The following DUSP4 variants were observed in gnomAD, a reference collection of about 807,000 sequenced individuals.
DUSP4 encodes dual specificity phosphatase 4.
In DUSP4, 12 loss-of-function variants were observed where a neutral mutation model predicts 27.2. The ratio of observed to expected loss-of-function variants is 0.44; its 90% CI spans 0.28 to 0.71. The LOEUF is 0.71. Among genes scored for constraint, DUSP4 ranks in the 30% least tolerant of loss-of-function variants. The probability of loss-of-function intolerance (pLI) is 0.14; values close to 1 mark genes in which losing one functional copy is unlikely to be tolerated. For missense variants in DUSP4, 448 were observed against 551.3 expected (o/e 0.81, Z 1.88); for synonymous variants, 257 against 245.2 (o/e 1.05, Z -0.45).
intron 1 of DUSP4, chr8:29,348,463 AG>A: frequency 1.0e-6 from 1 of 985,534 alleles, no homozygotes; most frequent in Non-Finnish European, 1.2e-6. Context: ...AGCAAAAGAC[AG>A]CCCTCGCGGA....
rs1291960888 is a variant in DUSP4, at chr8:29,336,083, TTTTTC to T, written c.*938_*942del. The T allele has an allele frequency of 2.6e-5, 4 of 151,842 alleles. No individual in the cohort carries two copies. Among genetic ancestry groups the T allele is most frequent in the Non-Finnish European group, 5.9e-5 (4 of 67,952 alleles). The allele number at this position is 151,842 out of a possible 1,614,324, so 9.4% of individuals were successfully genotyped here. On this transcript the variant is annotated 3_prime_UTR_variant, in exon 4 of 4. Transcript: ENST00000240100. ...GCAACATAGTGAGATGCTGTCTTTT[TTTTTC>T]TTTTCTTTTTTTTTAAAAAAGCAAT...
chr8:29,345,472 TG>T, intron 1 of DUSP4: 1 of 1,612,986 alleles, frequency 6.2e-7, no homozygotes, highest in Non-Finnish European at 8.5e-7. Flanking sequence ...CCAGTCCTCC[TG>T]GGCGATCTGC....
chr8:29,338,138 TA>T (rs1817604812), intron 3 of DUSP4, 143 bp downstream of exon 3: 1 of 826,006 alleles, frequency 1.2e-6, no homozygotes, highest in Non-Finnish European at 1.9e-6. Flanking sequence ...ATCCAATGTA[TA>T]AGCCTTCCCA....
At position 29,337,083 on chromosome 8, in the gene DUSP4, C is replaced by T. The variant is rs774502089; in HGVS notation, c.1128G>A (p.Ser376=). 137 of 1,607,968 alleles carry T rather than the reference C, an allele frequency of 8.5e-5. No homozygotes were observed. Among genetic ancestry groups the T allele is most frequent in the Non-Finnish European group, 1.1e-4 (128 of 1,177,470 alleles). ...GCAGGTAGGGCAGGCTGCTGGGGGC[C>T]GAGTGCACGCCCACGGAGACCGGAA... ...FSFPVSVGVH[S]APSSLPYLHS... Residue 376 remains serine, a synonymous_variant, in exon 4 of 4, where the codon TCG becomes TCA. Transcript: ENST00000240100. This position sits in a 1 kb window ranked among gnomAD's most constrained non-coding sequence, Gnocchi z 6.4.
Position 29,348,919 on chromosome 8 carries a change from G to A in DUSP4, c.433+927C>T, listed in dbSNP as rs537583032. The A allele has an allele frequency of 1.9e-5, 7 of 375,980 alleles. No individual in the cohort carries two copies. The East Asian group carries it at 8.5e-4, about 46-fold the overall frequency. The allele number at this position is 375,980 out of a possible 1,614,324, so 23.3% of individuals were successfully genotyped here. A position where few individuals can be genotyped will look rare whatever the true frequency, so the allele number is the denominator to read the frequency against. Reference sequence around the variant, plus strand: ...CGCCCGGACCCCACGCGCCCTGCCCGCTCCCTAGCCCGAGGGCCGCGGACC... The same window carrying A: ...CGCCCGGACCCCACGCGCCCTGCCCACTCCCTAGCCCGAGGGCCGCGGACC... On this transcript the variant is annotated intron_variant, in intron 1 of 3. Transcript: ENST00000240100.
At chr8:29,345,376 ACT>A (rs763822598) in intron 1 of DUSP4, 11 of 1,613,610 alleles carry the variant, frequency 6.8e-6, no homozygotes, top group Middle Eastern at 1.7e-4. Context: ...TCACCTTGAG[ACT>A]CTGAACACAG....
rs547859194 is a variant in DUSP4, at chr8:29,337,146, C to T, written c.1065G>A (p.Lys355=). The T allele has an allele frequency of 1.4e-5, 22 of 1,611,054 alleles. No homozygotes were observed. In the African/African-American group the frequency reaches 2.8e-4, roughly 21 times the overall value. Residue 355 remains lysine, a synonymous_variant, in exon 4 of 4, where the codon AAG becomes AAA. Coordinates refer to ENST00000240100, the MANE Select transcript of DUSP4 (RefSeq NM_001394.7). The surrounding 1 kb of genome is among the most constrained non-coding windows in gnomAD (Gnocchi z 6.4). ...SPSGPLRERG[K]TPATPTSQFV... is the part of the protein sequence containing the mutation. ...ACTGCGAGGTGGGGGTGGCGGGGGT[C>T]TTGCCCCGCTCCCGCAGGGGTCCCG...
intron 1 of DUSP4, chr8:29,348,415 T>G (rs1817766795): frequency 5.1e-6 from 5 of 985,556 alleles, no homozygotes; most frequent in Non-Finnish European, 6.0e-6. Context: ...CTTGGAGCGC[T>G]TTGGGGAGAA....
In DUSP4 at chr8:29,346,080, G is replaced by A. The variant is rs958307822; in HGVS notation, c.433+3766C>T. ...CAGAGAGAGCAATGGTGGGGCTAGA[G>A]AGAGAAAAAACAGAAAAATGTCACC... On this transcript the variant is annotated intron_variant, in intron 1 of 3. Transcript: ENST00000240100. 7 of 985,438 alleles carry A rather than the reference G, an allele frequency of 7.1e-6. No individual in the cohort carries two copies. In the African/African-American group the frequency reaches 1.0e-4, roughly 15 times the overall value. 61.0% of individuals were successfully genotyped at this position (985,438 alleles called of 1,614,324 possible).
chr8:29,340,372 T>G, intron 1 of DUSP4, 129 bp from the exon 2 acceptor site: 1 of 1,195,060 alleles, frequency 8.4e-7, no homozygotes. Flanking sequence ...TATTGGCCAC[T>G]AGGTGGCGCT....
chr8:29,348,625 G>A, intron 1 of DUSP4: 1 of 985,514 alleles, frequency 1.0e-6, no homozygotes, highest in Non-Finnish European at 1.2e-6. Flanking sequence ...CGGCTCCTCC[G>A]CACTGAACAG....
rs772962826 is a variant in DUSP4 at position 29,337,170 on chromosome 8, C to T, written c.1041G>A (p.Ser347=). ...TSCAAEAASP[S]GPLRERGKTP... is the part of the protein sequence containing the mutation. ...TCTTGCCCCGCTCCCGCAGGGGTCC[C>T]GAGGGGCTAGCAGCCTCCGCAGCAC... The change falls in exon 4 of 4, where the codon TCG becomes TCA. Residue 347 remains serine, a synonymous_variant. Coordinates refer to ENST00000240100, the MANE Select transcript of DUSP4 (RefSeq NM_001394.7). This position sits in a 1 kb window ranked among gnomAD's most constrained non-coding sequence, Gnocchi z 6.4. The T allele has an allele frequency of 4.8e-5, 77 of 1,611,750 alleles. No homozygotes were observed. The South Asian group carries it at 6.5e-4, about 14-fold the overall frequency.
chr8:29,349,760 G>T (rs1407998671), intron 1 of DUSP4, 86 bp downstream of exon 1: 7 of 1,396,524 alleles, frequency 5.0e-6, no homozygotes, highest in Non-Finnish European at 6.5e-6. Flanking sequence ...TCACGCCGGG[G>T]ACTCCTTCCC....
At chr8:29,345,758 A>T in intron 1 of DUSP4, 2 of 1,297,420 alleles carry the variant, frequency 1.5e-6, no homozygotes, top group Non-Finnish European at 1.9e-6. Flanking sequence ...GTCAAATTTC[A>T]CTCTCAATTT....
chr8:29,334,568 C>G lies in DUSP4; in HGVS notation c.*2458G>C, dbSNP rs1817541904. The G allele has an allele frequency of 6.6e-6, 1 of 152,192 alleles. No individual in the cohort carries two copies. The highest frequency in any genetic ancestry group is 6.5e-5 in the Admixed American group (1 of 15,286). 9.4% of individuals were successfully genotyped at this position (152,192 alleles called of 1,614,324 possible). On this transcript the variant is annotated 3_prime_UTR_variant, in exon 4 of 4. Coordinates refer to ENST00000240100, the MANE Select transcript of DUSP4 (RefSeq NM_001394.7). ...TCCGACTGTCCCTGTGGTGGGAATC[C>G]AGTCTGGGAAAGCAGGACTGTTTTA...
In DUSP4 at chr8:29,336,018, G is replaced by A. The variant is rs1817566829; in HGVS notation, c.*1008C>T. On this transcript the variant is annotated 3_prime_UTR_variant, in exon 4 of 4. Transcript: ENST00000240100. ...TCCCAGCTACTCAGGAGGCCGAGGT[G>A]GGAGGATCTCTTGAGCCCAAGAGCT... 6.6e-6 allele frequency: 1 copy of A among 152,166 alleles called. No individual in the cohort carries two copies. Among genetic ancestry groups the A allele is most frequent in the Non-Finnish European group, 1.5e-5 (1 of 68,038 alleles). 9.4% of individuals were successfully genotyped at this position (152,166 alleles called of 1,614,324 possible).
Position 29,338,504 on chromosome 8 carries a change from G to A in DUSP4, c.580-3C>T. 6.2e-7 allele frequency: 1 copy of A among 1,612,008 alleles called. No individual in the cohort carries two copies. Among genetic ancestry groups the A allele is most frequent in the Non-Finnish European group, 8.5e-7 (1 of 1,179,550 alleles). On this transcript the variant is annotated splice_region_variant and splice_polypyrimidine_tract_variant and intron_variant, in intron 2 of 3. Coordinates refer to ENST00000240100, the MANE Select transcript of DUSP4 (RefSeq NM_001394.7). ...GGAAGGATCTCCACAGGACCCCCCT[G>A]CACAGAAAGGGAAACAAAGGCCCCT...
chr8:29,350,188 T>TGCCGCCCGCGCCGCCGCC lies in DUSP4; in HGVS notation c.73_90dup (p.Gly25_Gly30dup), dbSNP rs960529328. 240 of 1,607,466 alleles carry TGCCGCCCGCGCCGCCGCC rather than the reference T, an allele frequency of 1.5e-4. No homozygotes were observed. Among genetic ancestry groups the TGCCGCCCGCGCCGCCGCC allele is most frequent in the Non-Finnish European group, 2.0e-4 (230 of 1,178,136 alleles). ...AGCCCCAGGGTGCCGTGGCTGCCGCTGCCGCCCGCGCCGCCGCCATTCTCG... is the reference window on the plus strand; with the variant it reads ...AGCCCCAGGGTGCCGTGGCTGCCGCTGCCGCCCGCGCCGCCGCCGCCGCCCGCGCCGCCGCCATTCTCG... On this transcript the variant is annotated inframe_insertion, in exon 1 of 4. Coordinates refer to ENST00000240100, the MANE Select transcript of DUSP4 (RefSeq NM_001394.7).
Position 29,350,043 on chromosome 8 carries a change from C to T in DUSP4, c.236G>A (p.Gly79Asp), listed in dbSNP as rs1159220125. The change falls in exon 1 of 4, where the codon GGC (glycine) becomes GAC (aspartate). Residue 79 changes from glycine (G) to aspartate (D), a missense_variant. Coordinates refer to ENST00000240100, the MANE Select transcript of DUSP4 (RefSeq NM_001394.7). ...CNTIVRRRAK[G>D]SVSLEQILPA... ...CAGGATCTGCTCCAGGCTCACGGAG[C>T]CCTTAGCCCGCCGCCGCACGATGGT... is the stretch of plus-strand genomic sequence containing the variant. 7 of 1,595,920 alleles carry T rather than the reference C, an allele frequency of 4.4e-6. No homozygotes were observed. The highest frequency in any genetic ancestry group is 6.0e-6 in the Non-Finnish European group (7 of 1,173,016).
Sources: allele counts gnomAD v4.1 joint callset, GRCh38; gene constraint gnomAD v4.1.1; non-coding constraint Gnocchi (gnomAD v3.1); transcripts MANE v1.5; gene names NCBI Gene and HGNC (gene_info 2026-07-23, HGNC 2026-07-21).